The following NKAIN3 variants were observed in gnomAD, a reference collection of about 807,000 sequenced individuals.
The protein encoded by NKAIN3 is sodium/potassium-transporting ATPase subunit beta-1-interacting protein 3.
Under a neutral mutation model 30.2 loss-of-function variants are expected in NKAIN3, and 25 were observed. That is an observed-to-expected ratio of 0.83 (90% CI 0.60 to 1.16). The LOEUF (loss-of-function observed/expected upper bound fraction) is 1.16, where lower values mean the gene tolerates loss of function less well. NKAIN3 is among the 50% of genes most tolerant of loss of function. The probability of loss-of-function intolerance (pLI) is 0.00; values close to 1 mark genes in which losing one functional copy is unlikely to be tolerated. For missense variants in NKAIN3, 225 were observed against 254.1 expected (o/e 0.89, Z 0.78); for synonymous variants, 91 against 89.6 (o/e 1.02, Z -0.09).
chr8:62,439,341 T>C (rs1331003600), intron 1 of NKAIN3, among the ~76,000 whole-genome samples: 1 of 152,168 alleles, frequency 6.6e-6, no homozygotes, highest in Non-Finnish European at 1.5e-5. Flanking sequence ...GAAGAGACTG[T>C]TAGGACAATT....
chr8:62,318,965 G>C (rs1814768222), intron 1 of NKAIN3, among the ~76,000 whole-genome samples: 1 of 152,094 alleles, frequency 6.6e-6, no homozygotes, highest in Non-Finnish European at 1.5e-5. Flanking sequence ...TCTGGTCCTG[G>C]ACTTTTTTTG....
chr8:62,744,290 T>G (rs2130577351), intron 3 of NKAIN3, among the ~76,000 whole-genome samples: 1 of 152,342 alleles, frequency 6.6e-6, no homozygotes, highest in East Asian at 1.9e-4. Context: ...GTTATTTATA[T>G]TCTCATTCAA....
At chr8:62,762,800 A>C (rs1816708001) in intron 4 of NKAIN3, among the ~76,000 whole-genome samples, 1 of 152,114 alleles carries the variant, frequency 6.6e-6, no homozygotes, top group Admixed American at 6.5e-5. Context: ...CTGCTTACTG[A>C]GATGACAGAG....
At chr8:62,418,189 G>T (rs183770798) in intron 1 of NKAIN3, among the ~76,000 whole-genome samples, 3 of 152,162 alleles carry the variant, frequency 2.0e-5, no homozygotes, top group Admixed American at 2.0e-4. Flanking sequence ...ACCCATAAGT[G>T]GGGAGTAAAG....
chr8:62,817,082 T>C (rs1460330134), intron 4 of NKAIN3, among the ~76,000 whole-genome samples: 2 of 152,106 alleles, frequency 1.3e-5, no homozygotes, highest in Non-Finnish European at 2.9e-5. Flanking sequence ...CTGTGCTGAG[T>C]TTCTGTGCCT....
chr8:62,452,094 C>G (rs1333170344), intron 1 of NKAIN3, among the ~76,000 whole-genome samples: 1 of 152,160 alleles, frequency 6.6e-6, no homozygotes, highest in African/African-American at 2.4e-5. Context: ...AAACTGCACT[C>G]AAATCCAGTG....
chr8:62,487,631 A>G (rs1383529971), intron 1 of NKAIN3, among the ~76,000 whole-genome samples: 1 of 152,082 alleles, frequency 6.6e-6, no homozygotes, highest in Non-Finnish European at 1.5e-5. Context: ...ATTTTTTTCA[A>G]GTTTTGAATA....
chr8:62,749,040 T>C (rs1816182153), intron 4 of NKAIN3, among the ~76,000 whole-genome samples: 3 of 152,136 alleles, frequency 2.0e-5, no homozygotes, highest in South Asian at 2.1e-4. Flanking sequence ...AAGAACTCTA[T>C]TATCCTATAC....
At chr8:62,987,411 AC>A (rs915827031), downstream of NKAIN3, among the ~76,000 whole-genome samples, 1 of 152,098 alleles carries the variant, frequency 6.6e-6, no homozygotes. Flanking sequence ...GCTAATAAAG[AC>A]CTACCTGAGA....
intron 4 of NKAIN3, among the ~76,000 whole-genome samples, chr8:62,784,106 C>T (rs972670112): frequency 8.6e-5 from 13 of 151,850 alleles, no homozygotes; most frequent in Non-Finnish European, 1.8e-4. Flanking sequence ...CATAACGTAT[C>T]AAAATGTACA....
chr8:62,310,761 G>C (rs1814401952), intron 1 of NKAIN3, among the ~76,000 whole-genome samples: 1 of 150,348 alleles, frequency 6.7e-6, no homozygotes, highest in Admixed American at 6.6e-5. Flanking sequence ...GTACTCATCT[G>C]AAATGGAGCT....
At chr8:62,784,662 G>A (rs555448966) in intron 4 of NKAIN3, among the ~76,000 whole-genome samples, 1 of 152,144 alleles carries the variant, frequency 6.6e-6, no homozygotes, top group East Asian at 1.9e-4. Context: ...CCTAAGCCCT[G>A]ATAGCTTCAC....
intron 1 of NKAIN3, among the ~76,000 whole-genome samples, chr8:62,268,801 G>GTATGGTT (rs1457095325): frequency 1.3e-5 from 2 of 152,054 alleles, no homozygotes; most frequent in African/African-American, 2.4e-5. Context: ...TCTCTCTACT[G>GTATGGTT]CTACAAAGGC....
At chr8:62,626,409 G>T (rs1811788471) in intron 3 of NKAIN3, among the ~76,000 whole-genome samples, 1 of 152,098 alleles carries the variant, frequency 6.6e-6, no homozygotes, top group Non-Finnish European at 1.5e-5. Context: ...AACACATTGT[G>T]TGGCCCGCTG....
At chr8:62,998,134 C>T (rs1804163636) in intron 5 of NKAIN3, among the ~76,000 whole-genome samples, 1 of 152,106 alleles carries the variant, frequency 6.6e-6, no homozygotes, top group African/African-American at 2.4e-5. Context: ...AAGTTCTTGT[C>T]ATCTATTTTA....
At chr8:62,658,631 A>T (rs1488108661) in intron 3 of NKAIN3, among the ~76,000 whole-genome samples, 1 of 152,146 alleles carries the variant, frequency 6.6e-6, no homozygotes, top group Non-Finnish European at 1.5e-5. Flanking sequence ...CTACTTAGTG[A>T]TTTATCATTG....
chr8:62,595,234 C>A (rs1810786554), intron 3 of NKAIN3, among the ~76,000 whole-genome samples: 1 of 151,912 alleles, frequency 6.6e-6, no homozygotes, highest in African/African-American at 2.4e-5. Flanking sequence ...TCTGCTCTTT[C>A]TTTAACAGGA....
chr8:62,453,653 G>T (rs1207536488), intron 1 of NKAIN3, among the ~76,000 whole-genome samples: 2 of 152,088 alleles, frequency 1.3e-5, no homozygotes, highest in African/African-American at 4.8e-5. Context: ...AAGAAAAAAA[G>T]AGAAAGTTTA....
At chr8:62,735,370 C>T (rs201819402) in intron 3 of NKAIN3, among the ~76,000 whole-genome samples, 1 of 26,266 alleles carries the variant, frequency 3.8e-5, no homozygotes, top group African/African-American at 5.1e-5. Flanking sequence ...TTCTTTCTTT[C>T]TTTCTTTCTT....
Sources: gnomAD v4.1 joint callset for allele counts (sites outside exome capture counted in the v4.1 genomes callset) on GRCh38, gnomAD v4.1.1 for gene constraint, MANE v1.5 for transcripts, NCBI Gene and HGNC (gene_info 2026-07-23, HGNC 2026-07-21) for gene names.